Variants in GRAP observed in about 807,000 individuals in gnomAD.
GRAP encodes the protein GRB2-related adapter protein.
Under a neutral mutation model 9.1 loss-of-function variants are expected in GRAP, and 2 were observed. The observed-to-expected ratio is 0.22, with a 90% CI of 0.09 to 0.69. The LOEUF is 0.69. GRAP is among the 30% of genes least tolerant of loss of function. The pLI is 0.81. For synonymous variants in GRAP, 68 were observed against 73.6 expected (o/e 0.92, Z 0.39); for missense variants, 113 against 179.4 (o/e 0.63, Z 2.12).
upstream of GRAP, among the ~76,000 whole-genome samples, chr17:19,048,571 C>T (rs1370425978): frequency 1.2e-5 from 1 of 85,048 alleles, no homozygotes; most frequent in African/African-American, 1.0e-4. Flanking sequence ...GGGTCTCCTT[C>T]AAGCTGTCTC....
upstream of GRAP, among the ~76,000 whole-genome samples, chr17:19,048,433 T>C (rs2152176806): frequency 9.0e-6 from 1 of 111,424 alleles, no homozygotes; most frequent in East Asian, 9.0e-4. Context: ...GTTTTTTTTC[T>C]GTAAAGAAGT....
At chr17:19,027,480 GCGCGCACACACA>G (rs1182547991) in intron 3 of GRAP, among the ~76,000 whole-genome samples, 4 of 69,376 alleles carry the variant, frequency 5.8e-5, no homozygotes, top group African/African-American at 1.5e-4. Context: ...GCGCGCGCGC[GCGCGCACACACA>G]CACACACACA....
rs572432942 is a variant in GRAP, at chr17:19,021,517, C to T, written c.*442G>A. 1.4e-5 allele frequency: 4 copies of T among 287,760 alleles called. No individual in the cohort carries two copies. In the East Asian group the frequency reaches 2.3e-4, roughly 16 times the overall value. The allele number at this position is 287,760 out of a possible 1,614,324, so 17.8% of individuals were successfully genotyped here. A position where few individuals can be genotyped will look rare whatever the true frequency, so the allele number is the denominator to read the frequency against. On this transcript the variant is annotated 3_prime_UTR_variant, in exon 5 of 5. Transcript: ENST00000284154. The surrounding 1 kb of genome is among the most constrained non-coding windows in gnomAD (Gnocchi z 4.1). ...CACCTCCCAACAGCCTGAACAACTC[C>T]AGGGGCCTTTTGAGGGAGGGGCAGG...
At position 19,024,183 on chromosome 17, in the gene GRAP, G is replaced by T. The variant is rs1347896379; in HGVS notation, c.468+32C>A. The stretch of plus-strand genomic sequence containing the variant: ...TGCAGATGGCAGGAGGTGCAGAGAG[G>T]CTCCCACAGGCCAGCCCCCACCCGC... On this transcript the variant is annotated intron_variant, in intron 4 of 4. Coordinates refer to ENST00000284154, the MANE Select transcript of GRAP (RefSeq NM_006613.4). The surrounding 1 kb of genome is among the most constrained non-coding windows in gnomAD (Gnocchi z 4.2). 5 of 1,554,866 alleles carry T rather than the reference G, an allele frequency of 3.2e-6. No homozygotes were observed. The highest frequency in any genetic ancestry group is 1.4e-5 in the African/African-American group (1 of 73,430).
rs1336382161 is a variant in GRAP at position 19,025,584 on chromosome 17, GGA to G, written c.300-1203_300-1202del. ...CCCAAGTACCTTCTAGCCCAGCGGA[GGA>G]GAGAGCCTGCTCTTTCTTTTTTCTT... On this transcript the variant is annotated intron_variant, in intron 3 of 4. Transcript: ENST00000284154. 3.6e-3 allele frequency among the ~76,000 whole-genome samples: 495 copies of G among 137,262 alleles called. 3 individuals are homozygous for G. The highest frequency in any genetic ancestry group is 0.02 in the Middle Eastern group (5 of 254). The allele number at this position is 137,262 out of a possible 152,430, so 90.0% of individuals were successfully genotyped here.
In GRAP at chr17:19,025,592, C is replaced by G. The variant is rs558147585; in HGVS notation, c.300-1209G>C. Among the ~76,000 whole-genome samples the G allele has an allele frequency of 3.4e-3, 464 of 138,378 alleles. 3 individuals carry two copies. The highest frequency in any genetic ancestry group is 0.011 in the Middle Eastern group (3 of 270). 90.8% of individuals were successfully genotyped at this position (138,378 alleles called of 152,430 possible). A position where few individuals can be genotyped will look rare whatever the true frequency, so the allele number is the denominator to read the frequency against. On this transcript the variant is annotated intron_variant, in intron 3 of 4. Transcript: ENST00000284154. ...CCTTCTAGCCCAGCGGAGGAGAGAG[C>G]CTGCTCTTTCTTTTTTCTTTTCTTT... is the stretch of plus-strand genomic sequence containing the variant.
intron 4 of GRAP, among the ~76,000 whole-genome samples, chr17:19,022,840 T>C (rs144628398): frequency 1.3e-5 from 2 of 152,138 alleles, no homozygotes; most frequent in Non-Finnish European, 2.9e-5. Context: ...CAGAATCTCA[T>C]CCAGGATGGG....
intron 2 of GRAP, among the ~76,000 whole-genome samples, chr17:19,037,431 CTCCTGGTAGCTCCTGGT>C (rs1248173420): frequency 2.3e-4 from 5 of 22,172 alleles, no homozygotes; most frequent in Non-Finnish European, 2.9e-4. Context: ...TGCTGTGTGG[CTCCTGGTAGCTCCTGGT>C]AGCCCCCGGC....
intron 4 of GRAP, among the ~76,000 whole-genome samples, chr17:19,023,252 C>T (rs1333276034): frequency 6.6e-6 from 1 of 152,150 alleles, no homozygotes; most frequent in South Asian, 2.1e-4. Flanking sequence ...CATATCAGAC[C>T]CCAGGGCTCA....
rs559452602 is a variant in GRAP at position 19,022,588 on chromosome 17, C to G, written c.469-444G>C. ...GCAGCTAAGAGTCGTGTTTATTGCT[C>G]TTGCCCTTGGTCAGCCGTTGAGGGA... On this transcript the variant is annotated intron_variant, in intron 4 of 4. Transcript: ENST00000284154. 4.5e-4 allele frequency: 72 copies of G among 159,432 alleles called. 2 individuals are homozygous for G. The South Asian group carries it at 0.014, about 31-fold the overall frequency. The allele number at this position is 159,432 out of a possible 1,614,324, so 9.9% of individuals were successfully genotyped here.
chr17:19,032,214 T>G (rs945300705), intron 3 of GRAP: 2 of 150,886 alleles, frequency 1.3e-5, no homozygotes, highest in Middle Eastern at 3.4e-3. Flanking sequence ...TTCCTGTGCC[T>G]GGCATATCAT....
chr17:19,024,962 G>A lies in GRAP; in HGVS notation c.300-579C>T, dbSNP rs1360777664. Among the ~76,000 whole-genome samples, 6 of 152,080 alleles carry A rather than the reference G, an allele frequency of 3.9e-5. No homozygotes were observed. In the East Asian group the frequency reaches 5.8e-4, roughly 15 times the overall value. On this transcript the variant is annotated intron_variant, in intron 3 of 4. Coordinates refer to ENST00000284154, the MANE Select transcript of GRAP (RefSeq NM_006613.4). This position sits in a 1 kb window ranked among gnomAD's most constrained non-coding sequence, Gnocchi z 4.2. The stretch of plus-strand genomic sequence containing the variant: ...CTCCCCCTCCCATGAACCTTCCGTG[G>A]CTTCTCCCTTGGCCTCAGGGTAAAC...
Position 19,021,823 on chromosome 17 carries a change from CAGTT to C in GRAP, c.*132_*135del. Reference sequence around the variant, plus strand: ...CCAGTTTGTGCAGAGCGGCCGGAGGCAGTTAGGAGCCCACGTTCAGTCCAAGGCC... The same window carrying C: ...CCAGTTTGTGCAGAGCGGCCGGAGGCAGGAGCCCACGTTCAGTCCAAGGCC... On this transcript the variant is annotated 3_prime_UTR_variant, in exon 5 of 5. Transcript: ENST00000284154. This position sits in a 1 kb window ranked among gnomAD's most constrained non-coding sequence, Gnocchi z 4.1. The C allele has an allele frequency of 1.1e-6, 1 of 875,264 alleles. No individual in the cohort carries two copies. The allele number at this position is 875,264 out of a possible 1,614,324, so 54.2% of individuals were successfully genotyped here.
At chr17:19,050,943 G>T, upstream of GRAP, among the ~76,000 whole-genome samples, 1 of 144,278 alleles carries the variant, frequency 6.9e-6, no homozygotes, top group Admixed American at 6.9e-5. Context: ...CAGCTACTTG[G>T]AAATAGAATC....
chr17:19,048,442 G>C (rs982237838), upstream of GRAP, among the ~76,000 whole-genome samples: 2 of 110,778 alleles, frequency 1.8e-5, no homozygotes, highest in African/African-American at 1.2e-4. Context: ...CTGTAAAGAA[G>C]TTTTTCTTCC....
In GRAP at chr17:19,027,526, C is replaced by CACACA. The variant is rs1413947980; in HGVS notation, c.300-3144_300-3143insTGTGT. On this transcript the variant is annotated intron_variant, in intron 3 of 4. Coordinates refer to ENST00000284154, the MANE Select transcript of GRAP (RefSeq NM_006613.4). ...CACACACACACACACACACACACAC[C>CACACA]CCTACCTCTCCTGGGTTGTAAATTG... Among the ~76,000 whole-genome samples, 175 of 76,804 alleles carry CACACA rather than the reference C, an allele frequency of 2.3e-3. 3 individuals are homozygous for CACACA. Among genetic ancestry groups the CACACA allele is most frequent in the Non-Finnish European group, 5.5e-3 (148 of 26,988 alleles). The allele number at this position is 76,804 out of a possible 152,430, so 50.4% of individuals were successfully genotyped here.
At position 19,023,048 on chromosome 17, in the gene GRAP, C is replaced by T. The variant is rs549562068; in HGVS notation, c.469-904G>A. The stretch of plus-strand genomic sequence containing the variant: ...CTAGCTCCATCCTGGCTTCCTCACA[C>T]TCTTCCAAGGCAGAGCTGGCCCAGG... On this transcript the variant is annotated intron_variant, in intron 4 of 4. Transcript: ENST00000284154. 2.1e-3 allele frequency among the ~76,000 whole-genome samples: 315 copies of T among 152,354 alleles called. 4 individuals are homozygous for T. In the South Asian group the frequency reaches 0.021, roughly 10 times the overall value.
Position 19,024,938 on chromosome 17 carries a change from T to TC in GRAP, c.300-556dup, listed in dbSNP as rs988530969. Reference sequence around the variant, plus strand: ...CAGACCTGTTGAATGTCTCACGTCCTCCCCCTCCCATGAACCTTCCGTGGC... The same window carrying TC: ...CAGACCTGTTGAATGTCTCACGTCCTCCCCCCTCCCATGAACCTTCCGTGGC... On this transcript the variant is annotated intron_variant, in intron 3 of 4. Coordinates refer to ENST00000284154, the MANE Select transcript of GRAP (RefSeq NM_006613.4). The surrounding 1 kb of genome is among the most constrained non-coding windows in gnomAD (Gnocchi z 4.2). Among the ~76,000 whole-genome samples, 36 of 152,168 alleles carry TC rather than the reference T, an allele frequency of 2.4e-4. No homozygotes were observed. Among genetic ancestry groups the TC allele is most frequent in the African/African-American group, 8.2e-4 (34 of 41,510 alleles).
chr17:19,029,952 G>T (rs1199302574), intron 3 of GRAP, among the ~76,000 whole-genome samples: 1 of 60,182 alleles, frequency 1.7e-5, no homozygotes, highest in East Asian at 2.0e-4. Flanking sequence ...TGCCGGGGGT[G>T]TGAGAGCGTC....
Sources: allele counts gnomAD v4.1 joint callset (sites outside exome capture counted in the v4.1 genomes callset), GRCh38; gene constraint gnomAD v4.1.1; non-coding constraint Gnocchi (gnomAD v3.1); transcripts MANE v1.5; gene names NCBI Gene and HGNC (gene_info 2026-07-23, HGNC 2026-07-21).